The following DOCK11 variants were observed in gnomAD, a reference collection of about 807,000 sequenced individuals.
DOCK11 encodes the protein dedicator of cytokinesis 11, also known as dedicator of cytokinesis protein 11.
A neutral mutation model predicts 169.1 loss-of-function variants in DOCK11; 70 were observed. The observed-to-expected ratio is 0.41, with a 90% confidence interval of 0.34 to 0.51. DOCK11 has a LOEUF of 0.51. Ranked by LOEUF, DOCK11 falls within the 20% of genes least tolerant of loss-of-function variation. The probability of loss-of-function intolerance (pLI) is 0.10; values close to 1 mark genes in which losing one functional copy is unlikely to be tolerated. For missense variants in DOCK11, 1,166 were observed against 1,538.8 expected (o/e 0.76, Z 4.05); for synonymous variants, 529 against 541.3 (o/e 0.98, Z 0.32).
At chrX:118,591,875 A>G (rs1484009457) in intron 19 of DOCK11, among the ~76,000 whole-genome samples, 3 of 81,040 alleles carry the variant, frequency 3.7e-5, no homozygotes, top group Non-Finnish European at 7.4e-5. Flanking sequence ...GAGTGAGAAC[A>G]TGCGGTGTTT....
At chrX:118,557,763 C>CAAAAAAAAA (rs773728594) in intron 6 of DOCK11, among the ~76,000 whole-genome samples, 2 of 24,334 alleles carry the variant, frequency 8.2e-5, no homozygotes, top group African/African-American at 3.9e-4. Context: ...GACTCTGTCT[C>CAAAAAAAAA]AAAAAAAAAA....
At chrX:118,660,405 A>ATT (rs1291740819) in intron 44 of DOCK11, among the ~76,000 whole-genome samples, 1 of 111,756 alleles carries the variant, frequency 8.9e-6, no homozygotes, top group African/African-American at 3.3e-5. Context: ...GTAACAGACC[A>ATT]TTTTAGGCAT....
At chrX:118,564,099 G>A (rs2012997924) in intron 7 of DOCK11, among the ~76,000 whole-genome samples, 1 of 111,775 alleles carries the variant, frequency 8.9e-6, no homozygotes, top group South Asian at 3.8e-4. Context: ...GCTGTCTCCT[G>A]TCTCTGTCAG....
chrX:118,643,405 C>T (rs1428536160), intron 39 of DOCK11, 52 bp from the exon 40 acceptor site: 41 of 1,122,646 alleles, frequency 3.7e-5, no homozygotes, highest in Non-Finnish European at 4.6e-5. Flanking sequence ...TTGGTGAAAT[C>T]AGTTCTGTCA....
intron 4 of DOCK11, among the ~76,000 whole-genome samples, 168 bp downstream of exon 4, chrX:118,543,761 T>C (rs1407864752): frequency 8.9e-6 from 1 of 111,942 alleles, no homozygotes; most frequent in Non-Finnish European, 1.9e-5. Flanking sequence ...CCATCCTGGC[T>C]AACACGGTGA....
chrX:118,535,012 T>A (rs2011703883), intron 1 of DOCK11, among the ~76,000 whole-genome samples: 1 of 112,070 alleles, frequency 8.9e-6, no homozygotes, highest in Admixed American at 9.5e-5. Flanking sequence ...CAAAGATCCT[T>A]ATCCAATTAC....
chrX:118,571,063 C>T (rs895457963), intron 10 of DOCK11, among the ~76,000 whole-genome samples: 1 of 111,710 alleles, frequency 9.0e-6, no homozygotes, highest in Admixed American at 9.5e-5. Context: ...GTTTCCTAAG[C>T]GGATGCCTCT....
chrX:118,675,177 G>T (rs1254810209), intron 46 of DOCK11, among the ~76,000 whole-genome samples: 2 of 112,080 alleles, frequency 1.8e-5, no homozygotes, highest in African/African-American at 3.2e-5. Flanking sequence ...TTTTCTGGAA[G>T]TGCGGAAAAA....
At chrX:118,513,088 T>C (rs140764147) in intron 1 of DOCK11, among the ~76,000 whole-genome samples, 4,915 of 111,631 alleles carry the variant, frequency 0.044, 274 homozygotes, top group African/African-American at 0.15. Flanking sequence ...CTGATCCAGC[T>C]CCTTGACTTC....
intron 35 of DOCK11, chrX:118,632,969 T>G (rs867249605): frequency 8.4e-5 from 3 of 35,823 alleles, no homozygotes; most frequent in African/African-American, 4.5e-4. Flanking sequence ...TGGGGGGCGG[T>G]GGGGGGGGGG....
chrX:118,634,213 G>A (rs759465527), intron 35 of DOCK11: 2 of 111,788 alleles, frequency 1.8e-5, no homozygotes, highest in Non-Finnish European at 3.8e-5. Context: ...TTTTAAAATT[G>A]TCAGATTCCA....
At chrX:118,552,066 G>A (rs2147360425) in intron 6 of DOCK11, among the ~76,000 whole-genome samples, 1 of 107,853 alleles carries the variant, frequency 9.3e-6, no homozygotes, top group South Asian at 4.2e-4. Context: ...AGGGAGGGAG[G>A]ACTCTAATAG....
intron 1 of DOCK11, among the ~76,000 whole-genome samples, chrX:118,508,060 C>CAAA (rs34530280): frequency 1.6e-5 from 1 of 63,072 alleles, no homozygotes; most frequent in Non-Finnish European, 3.3e-5. Flanking sequence ...GAGGTGAGGA[C>CAAA]AAAAAAAAAA....
At chrX:118,640,906 G>A in intron 38 of DOCK11, among the ~76,000 whole-genome samples, 1 of 111,349 alleles carries the variant, frequency 9.0e-6, no homozygotes, top group African/African-American at 3.3e-5. Flanking sequence ...TGATTCTCCT[G>A]CCTCAGCCTC....
intron 1 of DOCK11, among the ~76,000 whole-genome samples, chrX:118,510,461 G>A (rs781629193): frequency 1.4e-4 from 16 of 112,099 alleles, no homozygotes; most frequent in South Asian, 3.7e-4. Context: ...TTCTTATAGC[G>A]GGCACTGCTT....
At chrX:118,618,484 G>T in intron 30 of DOCK11, 66 bp from the exon 31 acceptor site, 2 of 820,991 alleles carry the variant, frequency 2.4e-6, no homozygotes, top group Non-Finnish European at 3.4e-6. Flanking sequence ...AAATAATACA[G>T]TATTTTAATT....
At chrX:118,506,250 G>A (rs1272183029) in intron 1 of DOCK11, among the ~76,000 whole-genome samples, 3 of 101,782 alleles carry the variant, frequency 2.9e-5, no homozygotes, top group Non-Finnish European at 3.9e-5. Flanking sequence ...CTGAGACCCT[G>A]TCTCAAAAAA....
At chrX:118,497,708 A>G (rs2057546832) in intron 1 of DOCK11, among the ~76,000 whole-genome samples, 1 of 111,995 alleles carries the variant, frequency 8.9e-6, no homozygotes, top group South Asian at 3.7e-4. Flanking sequence ...CAATCTACCT[A>G]GCAGAGAACG....
chrX:118,562,667 T>C (rs1338254277), intron 7 of DOCK11, among the ~76,000 whole-genome samples: 1 of 112,019 alleles, frequency 8.9e-6, no homozygotes, highest in Non-Finnish European at 1.9e-5. Context: ...TCTAAAGCGT[T>C]GCACACATAT....
Sources: gnomAD v4.1 joint callset for allele counts (sites outside exome capture counted in the v4.1 genomes callset) on GRCh38, gnomAD v4.1.1 for gene constraint, MANE v1.5 for transcripts, NCBI Gene and HGNC (gene_info 2026-07-23, HGNC 2026-07-21) for gene names.